PRKX: variants seen among roughly 807,000 people sequenced by gnomAD.
PRKX encodes the protein cAMP-dependent protein kinase catalytic subunit PRKX.
A neutral mutation model predicts 22.0 loss-of-function variants in PRKX; 12 were observed. The ratio of observed to expected loss-of-function variants is 0.54; its 90% CI spans 0.35 to 0.88. The LOEUF (loss-of-function observed/expected upper bound fraction) is 0.88, where lower values mean the gene tolerates loss of function less well. Among genes scored for constraint, PRKX ranks in the 40% least tolerant of loss-of-function variants. The pLI, the probability that PRKX is intolerant of heterozygous loss-of-function variation, is 0.01. For synonymous variants in PRKX, 134 were observed against 137.7 expected (o/e 0.97, Z 0.19); for missense variants, 217 against 308.0 (o/e 0.70, Z 2.21).
At chrX:3,708,470 C>G (rs925480634) in intron 1 of PRKX, among the ~76,000 whole-genome samples, 2 of 110,777 alleles carry the variant, frequency 1.8e-5, no homozygotes, top group Non-Finnish European at 3.8e-5. Context: ...AGTATAAGCA[C>G]TTTAGATCTG....
At chrX:3,686,885 G>A (rs915024903) in intron 1 of PRKX, among the ~76,000 whole-genome samples, 10 of 111,797 alleles carry the variant, frequency 8.9e-5, no homozygotes, top group Non-Finnish European at 1.9e-4. Flanking sequence ...GGTAAAATAC[G>A]CACAACATAA....
rs373934327 is a variant in PRKX at position 3,655,390 on chromosome X, G to A, written c.358C>T (p.Arg120Cys). 9.0e-5 allele frequency: 109 copies of A among 1,210,927 alleles called. No individual in the cohort carries two copies. Among genetic ancestry groups the A allele is most frequent in the East Asian group, 3.0e-4 (10 of 33,773 alleles). ...TACTCCATGAGCATGTAGAGGAAGC[G>A]CTCGTCATGCCACGTCCAGAACCTG... ...IRLFWTWHDE[R>C]FLYMLMEYVP... Residue 120 changes from arginine to cysteine, a missense_variant, in exon 3 of 9, where the codon CGC becomes TGC. Coordinates refer to ENST00000262848, the MANE Select transcript of PRKX (RefSeq NM_005044.5).
rs142524470 is a variant in PRKX at position 3,612,099 on chromosome X, C to T, written c.*23+78G>A. The stretch of plus-strand genomic sequence containing the variant: ...TCTGTGTGCATGAGGTTAAGCCCCA[C>T]TCAGTAAACGCAGCCTCACCTGGAT... On this transcript the variant is annotated intron_variant, in intron 8 of 8. Coordinates refer to ENST00000262848, the MANE Select transcript of PRKX (RefSeq NM_005044.5). 2.7e-3 allele frequency: 2,650 copies of T among 977,814 alleles called. 31 individuals carry two copies. In the African/African-American group the frequency reaches 0.043, roughly 16 times the overall value. The allele number at this position is 977,814 out of a possible 1,213,427, so 80.6% of individuals were successfully genotyped here. A position where few individuals can be genotyped will look rare whatever the true frequency, so the allele number is the denominator to read the frequency against.
At chrX:3,679,435 A>T (rs1253269132) in intron 1 of PRKX, among the ~76,000 whole-genome samples, 1 of 112,649 alleles carries the variant, frequency 8.9e-6, no homozygotes, top group Non-Finnish European at 1.9e-5. Flanking sequence ...ATTAAAGTCA[A>T]AGCTTTAAGG....
intron 4 of PRKX, among the ~76,000 whole-genome samples, chrX:3,627,359 G>C (rs1292570561): frequency 1.0e-5 from 1 of 96,351 alleles, no homozygotes; most frequent in African/African-American, 3.9e-5. Context: ...TTCAGCCTGG[G>C]AAACAAGAGT....
At chrX:3,710,979 T>C (rs184044117) in intron 1 of PRKX, among the ~76,000 whole-genome samples, 2 of 111,773 alleles carry the variant, frequency 1.8e-5, no homozygotes, top group African/African-American at 6.5e-5. Flanking sequence ...GATTGTGGCT[T>C]AGAGACACAA....
At chrX:3,631,788 G>A (rs1382500156) in intron 4 of PRKX, among the ~76,000 whole-genome samples, 1 of 112,464 alleles carries the variant, frequency 8.9e-6, no homozygotes, top group Non-Finnish European at 1.9e-5. Context: ...CAGGGATGCT[G>A]GAGCCCCCAG....
intron 5 of PRKX, among the ~76,000 whole-genome samples, chrX:3,625,939 A>G (rs1268057799): frequency 8.9e-6 from 1 of 112,058 alleles, no homozygotes; most frequent in Non-Finnish European, 1.9e-5. Flanking sequence ...ATGTGCATCC[A>G]AAGTTGCCAA....
At chrX:3,633,264 A>C (rs201799079) in intron 4 of PRKX, among the ~76,000 whole-genome samples, 8 of 107,384 alleles carry the variant, frequency 7.4e-5, no homozygotes, top group Admixed American at 3.0e-4. Context: ...AAGAAAAAAA[A>C]AAAAAACAAA....
intron 2 of PRKX, among the ~76,000 whole-genome samples, chrX:3,664,980 A>G (rs1927689447): frequency 8.9e-6 from 1 of 112,441 alleles, no homozygotes; most frequent in South Asian, 3.6e-4. Flanking sequence ...CAACAACACA[A>G]TAATAATACA....
At chrX:3,705,465 CACCACAGTAGAGG>C (rs946839765) in intron 1 of PRKX, among the ~76,000 whole-genome samples, 3 of 110,933 alleles carry the variant, frequency 2.7e-5, no homozygotes, top group South Asian at 3.8e-4. Flanking sequence ...GGACTGGACC[CACCACAGTAGAGG>C]ACCACGGGGA....
intron 5 of PRKX, among the ~76,000 whole-genome samples, chrX:3,624,099 C>T (rs1295520211): frequency 2.7e-5 from 3 of 111,053 alleles, no homozygotes; most frequent in East Asian, 2.8e-4. Flanking sequence ...CAGTGGTTCA[C>T]GCCTGTAATC....
At chrX:3,705,054 C>T (rs895513285) in intron 1 of PRKX, among the ~76,000 whole-genome samples, 8 of 111,775 alleles carry the variant, frequency 7.2e-5, no homozygotes, top group African/African-American at 2.6e-4. Context: ...TGGACCCTGC[C>T]GCGTGGGGTG....
chrX:3,655,504 A>T, intron 2 of PRKX, 92 bp from the exon 3 acceptor site: 2 of 1,019,557 alleles, frequency 2.0e-6, no homozygotes, highest in South Asian at 4.3e-5. Flanking sequence ...ATGCAGCTAG[A>T]TACCAAAATG....
At chrX:3,639,735 G>A (rs1927028932) in intron 4 of PRKX, among the ~76,000 whole-genome samples, 1 of 111,107 alleles carries the variant, frequency 9.0e-6, no homozygotes, top group Non-Finnish European at 1.9e-5. Flanking sequence ...CCGGTTTTGT[G>A]GTGGAATTCT....
intron 2 of PRKX, among the ~76,000 whole-genome samples, chrX:3,662,998 TAA>T (rs56411206): frequency 2.7e-4 from 21 of 78,493 alleles, no homozygotes; most frequent in South Asian, 7.2e-4. Flanking sequence ...GCCCTGTCTT[TAA>T]AAAAAAAAAA....
chrX:3,615,305 C>A (rs1385879134), intron 7 of PRKX, among the ~76,000 whole-genome samples: 1 of 111,501 alleles, frequency 9.0e-6, no homozygotes, highest in Non-Finnish European at 1.9e-5. Context: ...AGGCGTGAGC[C>A]ACAGCACCCA....
At chrX:3,621,478 C>T (rs1204919527) in intron 5 of PRKX, among the ~76,000 whole-genome samples, 162 bp from the exon 6 acceptor site, 3 of 112,318 alleles carry the variant, frequency 2.7e-5, no homozygotes, top group East Asian at 2.8e-4. Context: ...CTACCATCAC[C>T]GGCTCTTAAA....
At chrX:3,700,262 G>A (rs1396876286) in intron 1 of PRKX, among the ~76,000 whole-genome samples, 2 of 111,858 alleles carry the variant, frequency 1.8e-5, no homozygotes, top group African/African-American at 6.5e-5. Flanking sequence ...AACCTAAAAC[G>A]AGTGGAAAAA....
Sources: allele counts gnomAD v4.1 joint callset (sites outside exome capture counted in the v4.1 genomes callset), GRCh38; gene constraint gnomAD v4.1.1; transcripts MANE v1.5; gene names NCBI Gene and HGNC (gene_info 2026-07-23, HGNC 2026-07-21).